NDUFA10: variants seen among roughly 807,000 people sequenced by gnomAD.
NDUFA10 encodes the protein NADH:ubiquinone oxidoreductase subunit A10, also known as NADH dehydrogenase [ubiquinone] 1 alpha subcomplex subunit 10, mitochondrial.
In NDUFA10, 40 loss-of-function variants were observed where a neutral mutation model predicts 47.8. The ratio of observed to expected loss-of-function variants is 0.84; its 90% confidence interval spans 0.65 to 1.09. The LOEUF (loss-of-function observed/expected upper bound fraction) is 1.09. Among genes scored for constraint, NDUFA10 ranks in the 50% least tolerant of loss-of-function variants. The probability of loss-of-function intolerance (pLI) is 0.00; values close to 1 mark genes in which losing one functional copy is unlikely to be tolerated. For synonymous variants in NDUFA10, 183 were observed against 172.2 expected, an observed-to-expected ratio of 1.06 and a Z score of -0.49; for missense variants, 413 against 451.1, an observed-to-expected ratio of 0.92 and a Z score of 0.76.
chr2:239,990,562 C>G (rs1025583502), intron 8 of NDUFA10, among the ~76,000 whole-genome samples: 1 of 152,232 alleles, frequency 6.6e-6, no homozygotes, highest in African/African-American at 2.4e-5. Context: ...ACACACAAAG[C>G]ATGCCCCCAT....
chr2:239,971,695 T>C (rs139439836), intron 9 of NDUFA10, among the ~76,000 whole-genome samples: 1 of 152,340 alleles, frequency 6.6e-6, no homozygotes, highest in East Asian at 1.9e-4. Context: ...GGTGGCAGGC[T>C]GAAAGTGGAG....
intron 8 of NDUFA10, among the ~76,000 whole-genome samples, chr2:239,993,616 AG>A (rs1559366478): frequency 1.3e-5 from 2 of 152,172 alleles, no homozygotes; most frequent in African/African-American, 4.8e-5. Flanking sequence ...AAGAGAAAAC[AG>A]GGTCACTGTG....
intron 8 of NDUFA10, among the ~76,000 whole-genome samples, chr2:240,004,125 TGGA>T (rs928677114): frequency 4.6e-5 from 7 of 151,640 alleles, no homozygotes; most frequent in African/African-American, 1.7e-4. Flanking sequence ...CAGCAGCTGG[TGGA>T]GGAGTGAGAG....
chr2:240,010,362 G>A (rs1050135763), intron 6 of NDUFA10, among the ~76,000 whole-genome samples: 1 of 152,150 alleles, frequency 6.6e-6, no homozygotes, highest in Admixed American at 6.5e-5. Context: ...CTCTTGCCCT[G>A]TGCACAGGCT....
intron 4 of NDUFA10, among the ~76,000 whole-genome samples, chr2:239,914,262 TACATAC>T (rs1343253830): frequency 1.6e-5 from 2 of 127,970 alleles, no homozygotes; most frequent in Non-Finnish European, 3.3e-5. Context: ...CACACACATA[TACATAC>T]ACAGACACAC....
intron 4 of NDUFA10, among the ~76,000 whole-genome samples, chr2:239,896,072 T>A (rs1406163706): frequency 3.3e-5 from 5 of 152,224 alleles, no homozygotes; most frequent in African/African-American, 1.2e-4. Context: ...ATGTGGAAGG[T>A]GTGGCTTTCC....
At chr2:240,021,165 A>G (rs778351552) in intron 3 of NDUFA10, 32 bp downstream of exon 3, 5 of 1,574,180 alleles carry the variant, frequency 3.2e-6, no homozygotes, top group Non-Finnish European at 3.5e-6. Flanking sequence ...GTTCAAGTAC[A>G]GAACAGATCT....
chr2:239,902,347 GCA>G lies in NDUFA10; in HGVS notation c.295-7035_295-7034del, dbSNP rs1693568244. ...CACCAACTCCAGACAAAACCCTCCA[GCA>G]GTCCAGCAGTGAAATGATTACAACT... On this transcript the variant is annotated intron_variant, in intron 4 of 5. Transcript: ENST00000419408. Among the ~76,000 whole-genome samples, 6 of 3,808 alleles carry G rather than the reference GCA, an allele frequency of 1.6e-3. No individual in the cohort carries two copies. In the South Asian group the frequency reaches 0.039, roughly 25 times the overall value. 2.5% of individuals were successfully genotyped at this position (3,808 alleles called of 152,430 possible). A position where few individuals can be genotyped will look rare whatever the true frequency, so the allele number is the denominator to read the frequency against.
At chr2:239,920,533 T>A (rs1464105796) in intron 4 of NDUFA10, among the ~76,000 whole-genome samples, 1 of 152,194 alleles carries the variant, frequency 6.6e-6, no homozygotes, top group Non-Finnish European at 1.5e-5. Context: ...AAGTGTTTTC[T>A]CCTAAGCTAA....
At chr2:240,023,265 A>G (rs1697714233) in intron 1 of NDUFA10, among the ~76,000 whole-genome samples, 1 of 152,272 alleles carries the variant, frequency 6.6e-6, no homozygotes, top group South Asian at 2.1e-4. Flanking sequence ...CAATAAGAAA[A>G]CAAAGAATAA....
At chr2:240,003,695 A>C (rs1696822384) in intron 8 of NDUFA10, among the ~76,000 whole-genome samples, 1 of 152,240 alleles carries the variant, frequency 6.6e-6, no homozygotes. Flanking sequence ...AAGAAATCAA[A>C]GTCACTCACT....
At chr2:240,011,769 T>C in intron 5 of NDUFA10, 73 bp from the exon 6 acceptor site, 1 of 1,332,610 alleles carries the variant, frequency 7.5e-7, no homozygotes, top group Non-Finnish European at 1.1e-6. Context: ...GTATATAAAA[T>C]GCGAAGACAA....
At chr2:239,968,004 A>ACACACC (rs1481520066) in intron 9 of NDUFA10, among the ~76,000 whole-genome samples, 28 of 151,724 alleles carry the variant, frequency 1.8e-4, no homozygotes, top group African/African-American at 5.4e-4. Context: ...ACACACACAC[A>ACACACC]CACACAGTCA....
Position 239,959,330 on chromosome 2 carries a change from C to T in NDUFA10, c.*1788G>A. The T allele has an allele frequency of 1.0e-6, 1 of 985,488 alleles. No homozygotes were observed. The highest frequency in any genetic ancestry group is 1.2e-6 in the Non-Finnish European group (1 of 829,954). The allele number at this position is 985,488 out of a possible 1,614,324, so 61.0% of individuals were successfully genotyped here. ...ACCTGCCCTCTCACTGCTGAGGACA[C>T]TACCCGTGCAACCACCAAGGTTGAA... On this transcript the variant is annotated 3_prime_UTR_variant, in exon 10 of 10. Coordinates refer to ENST00000252711, the MANE Select transcript of NDUFA10 (RefSeq NM_004544.4).
chr2:240,007,961 A>C (rs1697010269), intron 6 of NDUFA10, among the ~76,000 whole-genome samples: 1 of 152,218 alleles, frequency 6.6e-6, no homozygotes, highest in African/African-American at 2.4e-5. Flanking sequence ...CAGGGTAAGT[A>C]AATACTCCAA....
intron 5 of NDUFA10, chr2:240,013,807 G>A (rs1419989819): frequency 2.0e-5 from 3 of 152,234 alleles, no homozygotes; most frequent in Non-Finnish European, 2.9e-5. Flanking sequence ...GCATCAGAGT[G>A]AGGAACAGGC....
intron 4 of NDUFA10, among the ~76,000 whole-genome samples, chr2:239,924,691 CA>C (rs1694041171): frequency 6.6e-6 from 1 of 151,912 alleles, no homozygotes; most frequent in Non-Finnish European, 1.5e-5. Flanking sequence ...AATGTAGGAC[CA>C]AAAATCCTAA....
At chr2:239,904,600 T>C (rs1340431428) in intron 4 of NDUFA10, among the ~76,000 whole-genome samples, 4 of 152,212 alleles carry the variant, frequency 2.6e-5, no homozygotes, top group African/African-American at 9.6e-5. Flanking sequence ...CAGCCCCTGC[T>C]TTCTTCTTGT....
chr2:240,016,257 C>T lies in NDUFA10; in HGVS notation c.548-1397G>A, dbSNP rs1014092284. On this transcript the variant is annotated intron_variant, in intron 4 of 9. Coordinates refer to ENST00000252711, the MANE Select transcript of NDUFA10 (RefSeq NM_004544.4). This position sits in a 1 kb window ranked among gnomAD's most constrained non-coding sequence, Gnocchi z 4.4. ...TCACCTGAGCATACAAACACAAACCCGCAGCCAGGCAGAGCACACGGGACC... is the reference window on the plus strand; with the variant it reads ...TCACCTGAGCATACAAACACAAACCTGCAGCCAGGCAGAGCACACGGGACC... Among the ~76,000 whole-genome samples the T allele has an allele frequency of 1.3e-5, 2 of 152,114 alleles. No homozygotes were observed. The highest frequency in any genetic ancestry group is 2.9e-5 in the Non-Finnish European group (2 of 68,018).
Sources: gnomAD v4.1 joint callset for allele counts (sites outside exome capture counted in the v4.1 genomes callset) on GRCh38, gnomAD v4.1.1 for gene constraint, Gnocchi (gnomAD v3.1) non-coding constraint, MANE v1.5 for transcripts, NCBI Gene and HGNC (gene_info 2026-07-23, HGNC 2026-07-21) for gene names.